The following NEK10 variants were observed in gnomAD, a reference collection of about 807,000 sequenced individuals.
NEK10 encodes the protein NIMA related kinase 10.
NEK10 carries 122 observed loss-of-function variants against 159.8 expected under a neutral mutation model. That is an observed-to-expected ratio of 0.76 (90% confidence interval 0.66 to 0.89). NEK10 has a LOEUF of 0.89. Among genes scored for constraint, NEK10 ranks in the 40% least tolerant of loss-of-function variants. The pLI is 0.00. For synonymous variants in NEK10, 466 were observed against 457.1 expected (o/e 1.02, Z -0.25); for missense variants, 1,342 against 1,323.1 (o/e 1.01, Z -0.22).
intron 22 of NEK10, among the ~76,000 whole-genome samples, chr3:27,258,970 T>A (rs958713659): frequency 2.0e-5 from 3 of 152,238 alleles, no homozygotes; most frequent in African/African-American, 7.2e-5. Flanking sequence ...TGATGGCCAG[T>A]GATGATGAGC....
intron 23 of NEK10, among the ~76,000 whole-genome samples, chr3:27,239,836 A>G (rs556160675): frequency 6.6e-6 from 1 of 152,332 alleles, no homozygotes; most frequent in East Asian, 1.9e-4. Context: ...TCAAGTCATA[A>G]GAGAAAAACT....
At chr3:27,353,113 G>A (rs910470753) in intron 1 of NEK10, among the ~76,000 whole-genome samples, 194 bp from the exon 2 acceptor site, 2 of 152,078 alleles carry the variant, frequency 1.3e-5, no homozygotes, top group African/African-American at 2.4e-5. Context: ...GGAACATTTA[G>A]GGCATGCTTT....
chr3:27,153,853 A>C (rs1234659737), intron 30 of NEK10, among the ~76,000 whole-genome samples: 1 of 152,176 alleles, frequency 6.6e-6, no homozygotes, highest in Non-Finnish European at 1.5e-5. Flanking sequence ...CATCGAAAAG[A>C]CTGAAAGAGC....
intron 29 of NEK10, among the ~76,000 whole-genome samples, chr3:27,167,824 C>G (rs1946618236): frequency 6.6e-6 from 1 of 152,154 alleles, no homozygotes; most frequent in African/African-American, 2.4e-5. Context: ...TTCCGAGGTG[C>G]CTTCCAGTTC....
intron 29 of NEK10, among the ~76,000 whole-genome samples, chr3:27,171,087 C>T (rs540717113): frequency 1.3e-5 from 2 of 152,298 alleles, no homozygotes; most frequent in African/African-American, 4.8e-5. Flanking sequence ...GCCTCTGGAA[C>T]ATTGTAATCA....
chr3:27,368,763 A>G (rs983197928), intron 1 of NEK10, among the ~76,000 whole-genome samples: 7 of 152,070 alleles, frequency 4.6e-5, no homozygotes, highest in African/African-American at 1.7e-4. Flanking sequence ...ATCGTCAGAT[A>G]GATGGTGCCT....
In NEK10 at chr3:27,279,954, G is replaced by A. The variant is rs952105400; in HGVS notation, c.2014+4648C>T. Among the ~76,000 whole-genome samples the A allele has an allele frequency of 5.9e-5, 9 of 152,194 alleles. No homozygotes were observed. The South Asian group carries it at 6.2e-4, about 11-fold the overall frequency. ...GGAGGCCGAGGCGGGCGGATCATGA[G>A]GTCAACAGATCGAGACCATCCTGGC... is the stretch of plus-strand genomic sequence containing the variant. On this transcript the variant is annotated intron_variant, in intron 22 of 35. Coordinates refer to ENST00000691995, the MANE Select transcript of NEK10 (RefSeq NM_001394966.1).
At chr3:27,277,765 T>G (rs1382886541) in intron 22 of NEK10, among the ~76,000 whole-genome samples, 1 of 152,198 alleles carries the variant, frequency 6.6e-6, no homozygotes, top group African/African-American at 2.4e-5. Flanking sequence ...GGAGGAGGAA[T>G]GCATCCACAT....
chr3:27,230,150 G>A (rs564452911), intron 23 of NEK10, among the ~76,000 whole-genome samples: 19 of 152,060 alleles, frequency 1.2e-4, no homozygotes, highest in Non-Finnish European at 2.7e-4. Flanking sequence ...AAGAGAAACC[G>A]ATCAGACTAA....
intron 23 of NEK10, among the ~76,000 whole-genome samples, chr3:27,224,216 G>A (rs1426720456): frequency 2.0e-5 from 3 of 152,144 alleles, no homozygotes; most frequent in Non-Finnish European, 4.4e-5. Context: ...CTGCCTCCCC[G>A]GCTTTTGGTA....
At position 27,192,028 on chromosome 3, in the gene NEK10, C is replaced by G; in HGVS notation, c.2505+1G>C. ...GAACCGATTGAAATATTTGCACTTA[C>G]GTGAGATAGAACAGCCAGCTCATGG... On this transcript the variant is annotated splice_donor_variant, in intron 26 of 35. Coordinates refer to ENST00000691995, the MANE Select transcript of NEK10 (RefSeq NM_001394966.1). LOFTEE classifies it high-confidence loss of function. 6.2e-7 allele frequency: 1 copy of G among 1,613,964 alleles called. No homozygotes were observed. The highest frequency in any genetic ancestry group is 2.2e-5 in the East Asian group (1 of 44,886).
chr3:27,115,270 C>T (rs1039282182), intron 35 of NEK10, among the ~76,000 whole-genome samples: 1 of 152,150 alleles, frequency 6.6e-6, no homozygotes, highest in African/African-American at 2.4e-5. Flanking sequence ...GATTATAAAA[C>T]CTTTCTTGAA....
At chr3:27,246,068 T>C (rs540359501) in intron 23 of NEK10, among the ~76,000 whole-genome samples, 1 of 152,294 alleles carries the variant, frequency 6.6e-6, no homozygotes, top group South Asian at 2.1e-4. Flanking sequence ...TGATTCTGAA[T>C]TTCCAATTGA....
chr3:27,309,114 C>A, intron 9 of NEK10, 109 bp from the exon 10 acceptor site: 1 of 589,434 alleles, frequency 1.7e-6, no homozygotes, highest in Non-Finnish European at 3.0e-6. Context: ...TGACAAAATG[C>A]TTCCCTCTTA....
intron 23 of NEK10, among the ~76,000 whole-genome samples, chr3:27,253,665 C>T (rs556410684): frequency 6.6e-6 from 1 of 152,084 alleles, no homozygotes; most frequent in Non-Finnish European, 1.5e-5. Context: ...GAAGCAAAAG[C>T]AAATGGAAAG....
chr3:27,171,671 G>C, intron 29 of NEK10, 148 bp downstream of exon 29: 1 of 688,792 alleles, frequency 1.5e-6, no homozygotes, highest in Admixed American at 3.0e-5. Flanking sequence ...GCTACTTGGT[G>C]AACTATAAAC....
At chr3:27,184,638 AT>A (rs1292200460) in intron 26 of NEK10, among the ~76,000 whole-genome samples, 2 of 152,186 alleles carry the variant, frequency 1.3e-5, no homozygotes, top group Non-Finnish European at 2.9e-5. Flanking sequence ...GCATTGCTTT[AT>A]TTTCATATAA....
At chr3:27,174,614 G>T in intron 27 of NEK10, 36 bp downstream of exon 27, 3 of 1,598,712 alleles carry the variant, frequency 1.9e-6, no homozygotes, top group Non-Finnish European at 2.6e-6. Context: ...ACTGCCACTA[G>T]CAGTACCTAC....
chr3:27,259,618 G>A (rs1355404576), intron 22 of NEK10, among the ~76,000 whole-genome samples: 3 of 152,176 alleles, frequency 2.0e-5, no homozygotes, highest in African/African-American at 2.4e-5. Context: ...TTTGGCTACC[G>A]TAGCCTTGTA....
Sources: allele counts gnomAD v4.1 joint callset (sites outside exome capture counted in the v4.1 genomes callset), GRCh38; gene constraint gnomAD v4.1.1; transcripts MANE v1.5; gene names NCBI Gene and HGNC (gene_info 2026-07-23, HGNC 2026-07-21).